Variants in C1orf21 observed in about 807,000 individuals in gnomAD.
The protein encoded by C1orf21 is uncharacterized protein C1orf21.
C1orf21 carries 3 observed loss-of-function variants against 18.7 expected under a neutral mutation model. That is an observed-to-expected ratio of 0.16 (90% CI 0.07 to 0.42). C1orf21 has a LOEUF of 0.42. C1orf21 is among the 10% of genes least tolerant of loss of function. The pLI is 0.99. For synonymous variants in C1orf21, 41 were observed against 46.4 expected, an observed-to-expected ratio of 0.88 and a Z score of 0.47; for missense variants, 104 against 143.6, an observed-to-expected ratio of 0.72 and a Z score of 1.41.
chr1:184,504,611 A>T (rs1333487890), intron 2 of C1orf21, among the ~76,000 whole-genome samples: 2 of 152,148 alleles, frequency 1.3e-5, no homozygotes, highest in African/African-American at 2.4e-5. Context: ...TTCCAGATGG[A>T]TATCTTCCTT....
At chr1:184,486,339 C>G (rs1392701718) in intron 2 of C1orf21, among the ~76,000 whole-genome samples, 9 of 152,244 alleles carry the variant, frequency 5.9e-5, no homozygotes. Context: ...AGTGTCACCA[C>G]TGCCTGTGCT....
At position 184,566,447 on chromosome 1, in the gene C1orf21, G is replaced by A. The variant is rs146479854; in HGVS notation, c.190-24292G>A. ...CCGTGTTCAGCACAGTCCAGAGCGC[G>A]CCATATATATGAACTTGTTGTTCTC... On this transcript the variant is annotated intron_variant, in intron 3 of 5. Transcript: ENST00000235307. 5.4e-4 allele frequency: 121 copies of A among 223,256 alleles called. 2 individuals carry two copies. The highest frequency in any genetic ancestry group is 5.1e-4 in the Non-Finnish European group (58 of 114,066). The allele number at this position is 223,256 out of a possible 1,614,324, so 13.8% of individuals were successfully genotyped here.
chr1:184,563,193 T>C (rs1263698468), intron 3 of C1orf21, among the ~76,000 whole-genome samples: 3 of 152,242 alleles, frequency 2.0e-5, no homozygotes, highest in Non-Finnish European at 2.9e-5. Context: ...TCAATAATGC[T>C]CTAGAGACAC....
rs1489926837 is a variant in C1orf21, at chr1:184,628,710, T to C, written c.*9154T>C. The C allele has an allele frequency of 2.8e-4, 43 of 152,634 alleles. No individual in the cohort carries two copies. Among genetic ancestry groups the C allele is most frequent in the Admixed American group, 2.8e-3 (43 of 15,288 alleles). The allele number at this position is 152,634 out of a possible 1,614,324, so 9.5% of individuals were successfully genotyped here. ...AGGTACACTGGACAGAGCCATGCGA[T>C]TGATTGTTCATCTTCCCTCTCTGGG... is the stretch of plus-strand genomic sequence containing the variant. On this transcript the variant is annotated 3_prime_UTR_variant, in exon 6 of 6. Transcript: ENST00000235307.
At chr1:184,581,346 C>T (rs1395995436) in intron 3 of C1orf21, among the ~76,000 whole-genome samples, 1 of 151,724 alleles carries the variant, frequency 6.6e-6, no homozygotes, top group Admixed American at 6.6e-5. Flanking sequence ...GGGAGAATTG[C>T]TTGAACCTGG....
At chr1:184,449,130 A>G (rs903858743) in intron 1 of C1orf21, among the ~76,000 whole-genome samples, 3 of 152,016 alleles carry the variant, frequency 2.0e-5, no homozygotes, top group Admixed American at 6.6e-5. Flanking sequence ...TACATGTGCC[A>G]TGTTGGTGTG....
At chr1:184,413,334 C>A (rs1656386891) in intron 1 of C1orf21, among the ~76,000 whole-genome samples, 2 of 152,074 alleles carry the variant, frequency 1.3e-5, no homozygotes, top group South Asian at 2.1e-4. Flanking sequence ...TCCTCACATC[C>A]CCGTAAAAAT....
intron 1 of C1orf21, among the ~76,000 whole-genome samples, chr1:184,417,120 T>G (rs1571348202): frequency 6.6e-6 from 1 of 152,240 alleles, no homozygotes; most frequent in East Asian, 1.9e-4. Context: ...TACTCTCCTG[T>G]TTTTGGCTCA....
At chr1:184,505,161 C>T (rs1365601629) in intron 2 of C1orf21, among the ~76,000 whole-genome samples, 1 of 151,712 alleles carries the variant, frequency 6.6e-6, no homozygotes, top group African/African-American at 2.4e-5. Flanking sequence ...AGTGCAAGGG[C>T]ATCTCCTCCC....
chr1:184,446,818 T>C (rs1657036711), intron 1 of C1orf21, among the ~76,000 whole-genome samples: 1 of 150,406 alleles, frequency 6.6e-6, no homozygotes, highest in African/African-American at 2.4e-5. Flanking sequence ...TTTTAAGGTG[T>C]GATAGTGGTA....
intron 4 of C1orf21, among the ~76,000 whole-genome samples, chr1:184,592,618 C>A (rs927161543): frequency 2.0e-5 from 3 of 152,176 alleles, no homozygotes; most frequent in Non-Finnish European, 4.4e-5. Context: ...GTACATTTGA[C>A]ACAGGCACCC....
intron 3 of C1orf21, among the ~76,000 whole-genome samples, chr1:184,545,057 A>G (rs559595705): frequency 1.3e-5 from 2 of 152,348 alleles, no homozygotes; most frequent in South Asian, 4.1e-4. Flanking sequence ...TTTCTGCTGT[A>G]GATTATTGAT....
At chr1:184,401,192 G>T (rs577018623) in intron 1 of C1orf21, among the ~76,000 whole-genome samples, 1 of 152,000 alleles carries the variant, frequency 6.6e-6, no homozygotes, top group South Asian at 2.1e-4. Context: ...TTATAGAATT[G>T]TGGGTCTTTT....
chr1:184,617,373 C>G (rs1441767152), intron 5 of C1orf21, among the ~76,000 whole-genome samples: 1 of 152,198 alleles, frequency 6.6e-6, no homozygotes, highest in Non-Finnish European at 1.5e-5. Context: ...AGTTACCTCT[C>G]AGAGCCTCGT....
At chr1:184,397,471 A>G (rs1656077874) in intron 1 of C1orf21, among the ~76,000 whole-genome samples, 1 of 152,192 alleles carries the variant, frequency 6.6e-6, no homozygotes, top group Non-Finnish European at 1.5e-5. Context: ...CTGTAGTCCC[A>G]GCTACTTGGG....
intron 5 of C1orf21, among the ~76,000 whole-genome samples, chr1:184,603,390 T>C (rs1245148875): frequency 6.6e-6 from 1 of 152,252 alleles, no homozygotes; most frequent in Non-Finnish European, 1.5e-5. Flanking sequence ...ATCTCACATA[T>C]TCCTGTGTGA....
chr1:184,469,285 A>G lies in C1orf21; in HGVS notation c.-124-8101A>G, dbSNP rs572494170. The stretch of plus-strand genomic sequence containing the variant: ...CAAACGAACAAAAAAAACTATTCTC[A>G]TGTTTGCTTCTAATGATTAGCTTAG... On this transcript the variant is annotated intron_variant, in intron 1 of 5. Transcript: ENST00000235307. Among the ~76,000 whole-genome samples the G allele has an allele frequency of 1.1e-4, 16 of 152,236 alleles. No homozygotes were observed. The South Asian group carries it at 3.3e-3, about 32-fold the overall frequency.
intron 3 of C1orf21, among the ~76,000 whole-genome samples, chr1:184,539,565 G>A (rs1190755336): frequency 2.0e-5 from 3 of 152,148 alleles, no homozygotes; most frequent in African/African-American, 7.2e-5. Context: ...AGAAGGATTG[G>A]TATTTGTTCT....
intron 1 of C1orf21, among the ~76,000 whole-genome samples, chr1:184,452,905 A>G (rs750133150): frequency 6.6e-6 from 1 of 152,042 alleles, no homozygotes; most frequent in African/African-American, 2.4e-5. Flanking sequence ...TTTCATCTCT[A>G]TTGTTTATGC....
Sources: allele counts gnomAD v4.1 joint callset (sites outside exome capture counted in the v4.1 genomes callset), GRCh38; gene constraint gnomAD v4.1.1; transcripts MANE v1.5; gene names NCBI Gene and HGNC (gene_info 2026-07-23, HGNC 2026-07-21).